ADAMTS19: variants seen among roughly 807,000 people sequenced by gnomAD.
ADAMTS19 encodes ADAM metallopeptidase with thrombospondin type 1 motif 19, also known as A disintegrin and metalloproteinase with thrombospondin motifs 19.
Under a neutral mutation model 153.3 loss-of-function variants are expected in ADAMTS19, and 93 were observed. That is an observed-to-expected ratio of 0.61 (90% CI 0.51 to 0.72). The LOEUF (loss-of-function observed/expected upper bound fraction) is 0.72, where lower values mean the gene tolerates loss of function less well. ADAMTS19 is among the 30% of genes least tolerant of loss of function. ADAMTS19 has a pLI of 0.00. For missense variants in ADAMTS19, 1,482 were observed against 1,552.1 expected (o/e 0.95, Z 0.76); for synonymous variants, 600 against 556.6 (o/e 1.08, Z -1.10).
At chr5:129,464,945 T>G (rs1414967210) in intron 2 of ADAMTS19, among the ~76,000 whole-genome samples, 1 of 152,192 alleles carries the variant, frequency 6.6e-6, no homozygotes, top group Non-Finnish European at 1.5e-5. Context: ...CTCTTATGAC[T>G]AAGGCCTTTT....
At chr5:129,688,402 C>T (rs1377993169) in intron 18 of ADAMTS19, among the ~76,000 whole-genome samples, 2 of 151,696 alleles carry the variant, frequency 1.3e-5, no homozygotes, top group Non-Finnish European at 3.0e-5. Context: ...TATTAAATTG[C>T]CAATACTGTA....
chr5:129,606,363 C>A (rs1750892883), intron 8 of ADAMTS19, among the ~76,000 whole-genome samples: 1 of 152,220 alleles, frequency 6.6e-6, no homozygotes, highest in Non-Finnish European at 1.5e-5. Flanking sequence ...GTTGAGACAT[C>A]TGAGCCATCT....
At chr5:129,596,498 A>G in intron 7 of ADAMTS19, 61 bp from the exon 8 acceptor site, 1 of 1,101,284 alleles carries the variant, frequency 9.1e-7, no homozygotes, top group Non-Finnish European at 1.3e-6. Flanking sequence ...GCTGCTAATA[A>G]CTAGTATAAA....
At chr5:129,629,974 A>G (rs1191512434) in intron 10 of ADAMTS19, among the ~76,000 whole-genome samples, 2 of 152,150 alleles carry the variant, frequency 1.3e-5, no homozygotes, top group African/African-American at 4.8e-5. Flanking sequence ...CCTCCAGGAA[A>G]CTTAAGATCC....
intron 18 of ADAMTS19, among the ~76,000 whole-genome samples, chr5:129,689,301 A>G (rs1444214884): frequency 6.6e-6 from 1 of 152,224 alleles, no homozygotes; most frequent in African/African-American, 2.4e-5. Flanking sequence ...ATAAGTAGAT[A>G]TCCAAGCCTT....
rs113382621 is a variant in ADAMTS19, at chr5:129,655,437, G to T, written c.2304+1004G>T. Among the ~76,000 whole-genome samples the T allele has an allele frequency of 9.8e-5, 15 of 152,290 alleles. 4 individuals are homozygous for T. The highest frequency in any genetic ancestry group is 3.6e-4 in the African/African-American group (15 of 41,572). On this transcript the variant is annotated intron_variant, in intron 14 of 22. Coordinates refer to ENST00000274487, the MANE Select transcript of ADAMTS19 (RefSeq NM_133638.6). ...AATAAATCCTTTGGCAATGAAAGAG[G>T]CTGCTGAGTGGAGTGGCACTGCATC...
intron 2 of ADAMTS19, among the ~76,000 whole-genome samples, chr5:129,480,759 T>C (rs1468164262): frequency 1.3e-5 from 2 of 152,196 alleles, no homozygotes; most frequent in African/African-American, 4.8e-5. Context: ...CAATAATGTG[T>C]TATTGTCCTA....
intron 11 of ADAMTS19, among the ~76,000 whole-genome samples, chr5:129,644,471 T>C (rs1456592318): frequency 6.6e-6 from 1 of 152,214 alleles, no homozygotes; most frequent in Non-Finnish European, 1.5e-5. Context: ...TGTATAAATC[T>C]AGTTAATCTA....
intron 2 of ADAMTS19, among the ~76,000 whole-genome samples, chr5:129,507,214 T>C (rs1364005528): frequency 1.3e-5 from 2 of 152,052 alleles, no homozygotes; most frequent in Admixed American, 6.6e-5. Context: ...TCAGCCTCAC[T>C]GTCAATTTTA....
chr5:129,717,638 G>A (rs1440082165), intron 21 of ADAMTS19, among the ~76,000 whole-genome samples: 5 of 152,138 alleles, frequency 3.3e-5, no homozygotes, highest in Non-Finnish European at 7.4e-5. Flanking sequence ...TCTTGAATCC[G>A]TTTGGCTGGA....
intron 21 of ADAMTS19, among the ~76,000 whole-genome samples, chr5:129,716,573 C>CTT (rs35089778): frequency 0.12 from 17,008 of 137,198 alleles, 1,202 homozygotes; most frequent in East Asian, 0.31. Flanking sequence ...CTTCCAGTTT[C>CTT]TTTTTTTTTT....
At chr5:129,500,838 ATAAG>A (rs759978022) in intron 2 of ADAMTS19, among the ~76,000 whole-genome samples, 6 of 152,160 alleles carry the variant, frequency 3.9e-5, no homozygotes, top group Non-Finnish European at 7.4e-5. Flanking sequence ...GGATGAAAAA[ATAAG>A]TAATAAAATT....
intron 10 of ADAMTS19, among the ~76,000 whole-genome samples, chr5:129,628,519 C>A (rs575050901): frequency 6.6e-6 from 1 of 151,868 alleles, no homozygotes; most frequent in African/African-American, 2.4e-5. Flanking sequence ...TGAGATTAGA[C>A]GGTTGATATT....
At chr5:129,573,404 G>A (rs1753980594) in intron 7 of ADAMTS19, among the ~76,000 whole-genome samples, 3 of 151,948 alleles carry the variant, frequency 2.0e-5, no homozygotes, top group South Asian at 2.1e-4. Context: ...AGCCGACCAC[G>A]CATCACATTT....
chr5:129,479,047 C>T (rs1011838113), intron 2 of ADAMTS19, among the ~76,000 whole-genome samples: 5 of 152,074 alleles, frequency 3.3e-5, no homozygotes, highest in Non-Finnish European at 5.9e-5. Context: ...TGTAGTCACT[C>T]AGTTTTATAG....
intron 16 of ADAMTS19, among the ~76,000 whole-genome samples, chr5:129,668,970 A>G (rs1448457901): frequency 2.0e-5 from 3 of 152,128 alleles, no homozygotes. Context: ...GAGGATGCAG[A>G]CTTTCTGATT....
At chr5:129,486,810 AAAG>A (rs1462042146) in intron 2 of ADAMTS19, among the ~76,000 whole-genome samples, 6 of 152,346 alleles carry the variant, frequency 3.9e-5, no homozygotes, top group African/African-American at 1.4e-4. Flanking sequence ...GAGGATAAGA[AAAG>A]AAGTAAAATT....
At chr5:129,539,943 A>C (rs954812673) in intron 6 of ADAMTS19, among the ~76,000 whole-genome samples, 2 of 152,070 alleles carry the variant, frequency 1.3e-5, no homozygotes, top group Non-Finnish European at 2.9e-5. Context: ...TTTATTCCTA[A>C]GTGACCTAGT....
intron 21 of ADAMTS19, among the ~76,000 whole-genome samples, chr5:129,711,971 G>A (rs1026886826): frequency 1.3e-5 from 2 of 151,822 alleles, no homozygotes; most frequent in Non-Finnish European, 2.9e-5. Flanking sequence ...CTTCACATTA[G>A]ATTATTCAAC....
Sources: gnomAD v4.1 joint callset for allele counts (sites outside exome capture counted in the v4.1 genomes callset) on GRCh38, gnomAD v4.1.1 for gene constraint, MANE v1.5 for transcripts, NCBI Gene and HGNC (gene_info 2026-07-23, HGNC 2026-07-21) for gene names.